NFATC3: variants seen among roughly 807,000 people sequenced by gnomAD.
NFATC3 encodes nuclear factor of activated T cells 3, also known as nuclear factor of activated T-cells, cytoplasmic 3.
Under a neutral mutation model 98.6 loss-of-function variants are expected in NFATC3, and 46 were observed. The ratio of observed to expected loss-of-function variants is 0.47; its 90% CI spans 0.37 to 0.60. The LOEUF (loss-of-function observed/expected upper bound fraction) is 0.60. Among genes scored for constraint, NFATC3 ranks in the 20% least tolerant of loss-of-function variants. The pLI, the probability that NFATC3 is intolerant of heterozygous loss-of-function variation, is 0.00. For synonymous variants in NFATC3, 512 were observed against 472.2 expected, an observed-to-expected ratio of 1.08 and a Z score of -1.09; for missense variants, 1,256 against 1,295.5, an observed-to-expected ratio of 0.97 and a Z score of 0.47.
chr16:68,226,422 C>G lies in NFATC3; in HGVS notation c.3179C>G (p.Pro1060Arg). The change falls in exon 10 of 10, where the codon CCC (proline) becomes CGC (arginine). Residue 1060 changes from proline to arginine, a missense_variant. Transcript: ENST00000346183. ...SQGAGVSRQA[P>R]LPSPESLDLG... ...GGAGCAGGGGTGAGCAGGCAGGCTC[C>G]CCTCCCGAGTCCTGAGTCCCTGGAT... The G allele has an allele frequency of 6.4e-7, 1 of 1,569,174 alleles. No individual in the cohort carries two copies. The highest frequency in any genetic ancestry group is 8.6e-7 in the Non-Finnish European group (1 of 1,162,188).
At chr16:68,138,485 G>T in intron 3 of NFATC3, 2 of 1,260,548 alleles carry the variant, frequency 1.6e-6, no homozygotes, top group Non-Finnish European at 2.0e-6. Context: ...AGTTTATTTT[G>T]CATTTTCTTT....
intron 4 of NFATC3, among the ~76,000 whole-genome samples, chr16:68,159,353 T>G (rs1211512108): frequency 6.6e-6 from 1 of 151,942 alleles, no homozygotes; most frequent in East Asian, 1.9e-4. Context: ...CATGGGAAAC[T>G]TAGATTTTTA....
rs115536020 is a variant in NFATC3 at position 68,141,958 on chromosome 16, A to G, written c.1401+15348A>G. 8.2e-3 allele frequency among the ~76,000 whole-genome samples: 1,253 copies of G among 152,164 alleles called. 17 individuals carry two copies. Among genetic ancestry groups the G allele is most frequent in the African/African-American group, 0.028 (1,172 of 41,506 alleles). On this transcript the variant is annotated intron_variant, in intron 3 of 9. Coordinates refer to ENST00000346183, the MANE Select transcript of NFATC3 (RefSeq NM_173165.3). ...TGGTTTCAGGTCTTTTAAGTCTTTAATCCATCTTGAGTTGATTTTTATATG... is the reference window on the plus strand; with the variant it reads ...TGGTTTCAGGTCTTTTAAGTCTTTAGTCCATCTTGAGTTGATTTTTATATG...
chr16:68,186,319 C>T (rs1248766148), intron 8 of NFATC3, among the ~76,000 whole-genome samples: 3 of 151,836 alleles, frequency 2.0e-5, no homozygotes, highest in Non-Finnish European at 2.9e-5. Context: ...GGGTGGATCA[C>T]GAGGTCAGGA....
At chr16:68,177,707 C>G (rs2039778457) in intron 6 of NFATC3, among the ~76,000 whole-genome samples, 1 of 152,008 alleles carries the variant, frequency 6.6e-6, no homozygotes, top group Admixed American at 6.6e-5. Context: ...TATAATTTCT[C>G]TATCTTTTTC....
chr16:68,138,561 A>G (rs771268553), intron 3 of NFATC3: 48 of 1,289,022 alleles, frequency 3.7e-5, no homozygotes, highest in Non-Finnish European at 4.1e-5. Flanking sequence ...CACAGCTTCT[A>G]CTGTCCATGG....
At chr16:68,142,619 G>C (rs2097802) in intron 3 of NFATC3, among the ~76,000 whole-genome samples, 12 of 151,986 alleles carry the variant, frequency 7.9e-5, no homozygotes, top group Non-Finnish European at 1.5e-4. Flanking sequence ...TTAGCTGGGC[G>C]TGGTGGTGGG....
At chr16:68,112,889 C>T (rs562678259) in intron 1 of NFATC3, among the ~76,000 whole-genome samples, 2 of 151,804 alleles carry the variant, frequency 1.3e-5, no homozygotes, top group Non-Finnish European at 2.9e-5. Flanking sequence ...GCTGTTGATA[C>T]TTGTGGTTGT....
intron 1 of NFATC3, among the ~76,000 whole-genome samples, chr16:68,097,306 T>C (rs2035069503): frequency 6.6e-6 from 1 of 152,246 alleles, no homozygotes; most frequent in Non-Finnish European, 1.5e-5. Context: ...TAATTATTAA[T>C]GTAACTAGTG....
intron 1 of NFATC3, among the ~76,000 whole-genome samples, chr16:68,106,742 G>GT (rs112208511): frequency 0.041 from 6,080 of 147,776 alleles, 374 homozygotes; most frequent in African/African-American, 0.14. Context: ...TTTTTTTGTT[G>GT]TTTTTTTTTT....
chr16:68,098,298 TTA>T (rs1491053728), intron 1 of NFATC3, among the ~76,000 whole-genome samples: 87 of 104,770 alleles, frequency 8.3e-4, no homozygotes, highest in Middle Eastern at 5.6e-3. Context: ...ATTATTATTA[TTA>T]TTTTTTTTTT....
chr16:68,163,325 C>A (rs959782705), intron 4 of NFATC3, among the ~76,000 whole-genome samples: 1 of 150,826 alleles, frequency 6.6e-6, no homozygotes, highest in Non-Finnish European at 1.5e-5. Flanking sequence ...CGGGCAGAGG[C>A]GCCCCTCACC....
chr16:68,138,259 C>G (rs1315687701), intron 3 of NFATC3, among the ~76,000 whole-genome samples: 1 of 150,682 alleles, frequency 6.6e-6, no homozygotes, highest in African/African-American at 2.4e-5. Flanking sequence ...AGGCTAGTCT[C>G]GAACTCCTGA....
At chr16:68,161,906 C>T (rs1489724803) in intron 4 of NFATC3, among the ~76,000 whole-genome samples, 1 of 152,100 alleles carries the variant, frequency 6.6e-6, no homozygotes, top group African/African-American at 2.4e-5. Flanking sequence ...AGCATTGGAG[C>T]AGTAGGATCT....
chr16:68,186,116 T>C (rs2040189855), intron 8 of NFATC3, among the ~76,000 whole-genome samples: 1 of 152,120 alleles, frequency 6.6e-6, no homozygotes, highest in Non-Finnish European at 1.5e-5. Flanking sequence ...GTAGTACTTG[T>C]TCTGGTTGGT....
intron 9 of NFATC3, among the ~76,000 whole-genome samples, chr16:68,213,806 G>T (rs763557699): frequency 2.0e-5 from 3 of 152,186 alleles, no homozygotes; most frequent in Middle Eastern, 3.2e-3. Flanking sequence ...TCCAGCCTGG[G>T]TGACAGAGTG....
intron 1 of NFATC3, among the ~76,000 whole-genome samples, chr16:68,112,770 T>TGCCTCA (rs2036048047): frequency 6.7e-6 from 1 of 148,728 alleles, no homozygotes; most frequent in African/African-American, 2.5e-5. Context: ...GCCATTCTCC[T>TGCCTCA]GCCTCAGCCT....
At chr16:68,158,246 C>T (rs1318244988) in intron 4 of NFATC3, among the ~76,000 whole-genome samples, 178 bp downstream of exon 4, 1 of 151,988 alleles carries the variant, frequency 6.6e-6, no homozygotes, top group Non-Finnish European at 1.5e-5. Flanking sequence ...AAATTCAATT[C>T]AGTAAGTGTT....
intron 1 of NFATC3, among the ~76,000 whole-genome samples, chr16:68,103,193 TTTA>T (rs945610645): frequency 1.3e-5 from 2 of 150,904 alleles, no homozygotes; most frequent in Non-Finnish European, 1.5e-5. Flanking sequence ...TTTTTTTTAT[TTTA>T]TTATTATTAT....
Sources: allele counts gnomAD v4.1 joint callset (sites outside exome capture counted in the v4.1 genomes callset), GRCh38; gene constraint gnomAD v4.1.1; transcripts MANE v1.5; gene names NCBI Gene and HGNC (gene_info 2026-07-23, HGNC 2026-07-21).